The following CAMK1D variants were observed in gnomAD, a reference collection of about 807,000 sequenced individuals.
CAMK1D encodes the protein calcium/calmodulin dependent protein kinase ID.
A neutral mutation model predicts 47.7 loss-of-function variants in CAMK1D; 9 were observed. The observed-to-expected ratio is 0.19, with a 90% CI of 0.11 to 0.33. The LOEUF (loss-of-function observed/expected upper bound fraction) is 0.33. Among genes scored for constraint, CAMK1D ranks in the 10% least tolerant of loss-of-function variants. The pLI is 1.00. For synonymous variants in CAMK1D, 184 were observed against 184.9 expected (o/e 0.99, Z 0.04); for missense variants, 291 against 488.7 (o/e 0.60, Z 3.81).
chr10:12,627,894 A>G (rs1488361441), intron 2 of CAMK1D, among the ~76,000 whole-genome samples: 2 of 152,132 alleles, frequency 1.3e-5, no homozygotes, highest in Admixed American at 1.3e-4. Flanking sequence ...CCTGGCTAAC[A>G]TGGTGAAACC....
intron 1 of CAMK1D, among the ~76,000 whole-genome samples, chr10:12,541,615 C>T (rs138679083): frequency 0.016 from 2,412 of 152,176 alleles, 103 homozygotes; most frequent in Admixed American, 0.089. Context: ...CGCCTTGGCC[C>T]CCCAAAAGTG....
intron 1 of CAMK1D, among the ~76,000 whole-genome samples, chr10:12,360,470 A>G (rs1204372215): frequency 2.0e-5 from 3 of 152,184 alleles, no homozygotes; most frequent in East Asian, 1.9e-4. Context: ...GCCCCCAAAT[A>G]TCCTCCCATT....
intron 3 of CAMK1D, among the ~76,000 whole-genome samples, chr10:12,731,279 A>G (rs1025364051): frequency 6.6e-6 from 1 of 152,178 alleles, no homozygotes; most frequent in Non-Finnish European, 1.5e-5. Context: ...AATGTGGAGT[A>G]ACTTGGTGCA....
At chr10:12,445,901 G>GT (rs375617019) in intron 1 of CAMK1D, among the ~76,000 whole-genome samples, 15 of 151,864 alleles carry the variant, frequency 9.9e-5, no homozygotes, top group African/African-American at 2.4e-4. Flanking sequence ...ACATGTTGGC[G>GT]TTTTTTTTCT....
intron 3 of CAMK1D, among the ~76,000 whole-genome samples, chr10:12,681,050 A>G (rs1840976727): frequency 6.6e-6 from 1 of 152,116 alleles, no homozygotes; most frequent in African/African-American, 2.4e-5. Context: ...CCAGCTCTGC[A>G]GCCAGGAGGA....
At chr10:12,511,977 C>G (rs1056816252) in intron 1 of CAMK1D, among the ~76,000 whole-genome samples, 5 of 152,230 alleles carry the variant, frequency 3.3e-5, no homozygotes, top group African/African-American at 1.2e-4. Context: ...CTCTCAGTTT[C>G]TTCATCTGTG....
chr10:12,583,208 C>G (rs1453038370), intron 2 of CAMK1D, among the ~76,000 whole-genome samples: 1 of 152,114 alleles, frequency 6.6e-6, no homozygotes, highest in South Asian at 2.1e-4. Flanking sequence ...TACATCTGTA[C>G]AGGGACAGTT....
chr10:12,714,292 A>G (rs1212976392), intron 3 of CAMK1D, among the ~76,000 whole-genome samples: 1 of 152,226 alleles, frequency 6.6e-6, no homozygotes, highest in African/African-American at 2.4e-5. Context: ...CATACATGGC[A>G]TAGTCCCCAA....
intron 1 of CAMK1D, among the ~76,000 whole-genome samples, chr10:12,396,888 G>A (rs1370666511): frequency 6.6e-6 from 1 of 152,208 alleles, no homozygotes. Context: ...GTAAGGAGCT[G>A]AATGAGGGGC....
chr10:12,649,099 T>G (rs1839890181), intron 2 of CAMK1D, among the ~76,000 whole-genome samples: 2 of 152,320 alleles, frequency 1.3e-5, no homozygotes, highest in South Asian at 4.1e-4. Context: ...ACCTCCTGGC[T>G]TCAAGCAGGC....
chr10:12,803,249 C>A (rs2131041974), intron 6 of CAMK1D, among the ~76,000 whole-genome samples: 1 of 152,364 alleles, frequency 6.6e-6, no homozygotes, highest in Middle Eastern at 3.4e-3. Flanking sequence ...AGTGGTTTCT[C>A]TATTGTAGAA....
intron 3 of CAMK1D, among the ~76,000 whole-genome samples, chr10:12,686,925 A>C (rs1051026372): frequency 6.6e-6 from 1 of 152,184 alleles, no homozygotes; most frequent in Non-Finnish European, 1.5e-5. Flanking sequence ...AGCAGACTGG[A>C]TCTTTGACTA....
chr10:12,401,095 T>A (rs1588444402), intron 1 of CAMK1D, among the ~76,000 whole-genome samples: 2 of 77,646 alleles, frequency 2.6e-5, no homozygotes, highest in South Asian at 3.2e-4. Flanking sequence ...ATTATATATA[T>A]TATATATATA....
At chr10:12,424,320 A>C (rs1396196112) in intron 1 of CAMK1D, among the ~76,000 whole-genome samples, 1 of 151,640 alleles carries the variant, frequency 6.6e-6, no homozygotes, top group Non-Finnish European at 1.5e-5. Context: ...CTTGTCACCC[A>C]AGATGGACGT....
At chr10:12,425,083 G>A (rs11257787) in intron 1 of CAMK1D, among the ~76,000 whole-genome samples, 98,039 of 151,796 alleles carry the variant, frequency 0.65, 33,548 homozygotes, top group South Asian at 0.77. Context: ...GACGGTGGGG[G>A]CTATGCCACA....
chr10:12,546,849 C>A (rs545954428), intron 1 of CAMK1D, among the ~76,000 whole-genome samples: 2 of 151,920 alleles, frequency 1.3e-5, no homozygotes, highest in Non-Finnish European at 2.9e-5. Flanking sequence ...AGGAGATATA[C>A]CTAATGCTAA....
Position 12,526,322 on chromosome 10 carries a change from G to A in CAMK1D, c.93-26903G>A, listed in dbSNP as rs533130942. Among the ~76,000 whole-genome samples the A allele has an allele frequency of 5.9e-5, 9 of 152,320 alleles. No individual in the cohort carries two copies. In the South Asian group the frequency reaches 1.9e-3, roughly 32 times the overall value. On this transcript the variant is annotated intron_variant, in intron 1 of 10. Coordinates refer to ENST00000619168, the MANE Select transcript of CAMK1D (RefSeq NM_153498.4). Reference sequence around the variant, plus strand: ...GTATGGGACTTACGTGGTTCTTCAAGTTGTAGTTTAATTCTCGAAGCCATG... The same window carrying A: ...GTATGGGACTTACGTGGTTCTTCAAATTGTAGTTTAATTCTCGAAGCCATG...
intron 1 of CAMK1D, among the ~76,000 whole-genome samples, chr10:12,481,316 G>GC (rs1234605794): frequency 6.6e-6 from 1 of 151,926 alleles, no homozygotes; most frequent in Non-Finnish European, 1.5e-5. Flanking sequence ...CAGTCCTGTG[G>GC]CCCCACCTAG....
At chr10:12,552,012 A>G (rs1290674439) in intron 1 of CAMK1D, among the ~76,000 whole-genome samples, 2 of 152,184 alleles carry the variant, frequency 1.3e-5, no homozygotes, top group Admixed American at 6.5e-5. Context: ...GGGCTGTGGT[A>G]CTTCCCTGTG....
Sources: allele counts gnomAD v4.1 joint callset (sites outside exome capture counted in the v4.1 genomes callset), GRCh38; gene constraint gnomAD v4.1.1; transcripts MANE v1.5; gene names NCBI Gene and HGNC (gene_info 2026-07-23, HGNC 2026-07-21).